SLC22A16: variants seen among roughly 807,000 people sequenced by gnomAD.
SLC22A16 encodes the protein solute carrier family 22 member 16.
A neutral mutation model predicts 52.9 loss-of-function variants in SLC22A16; 53 were observed. The observed-to-expected ratio is 1.00, with a 90% CI of 0.80 to 1.26. The LOEUF (loss-of-function observed/expected upper bound fraction) is 1.26. Among genes scored for constraint, SLC22A16 ranks in the 50% most tolerant of loss-of-function variants. The pLI is 0.00. For synonymous variants in SLC22A16, 291 were observed against 268.8 expected (o/e 1.08, Z -0.81); for missense variants, 726 against 704.0 (o/e 1.03, Z -0.35).
intron 6 of SLC22A16, among the ~76,000 whole-genome samples, chr6:110,434,320 G>C (rs1161903648): frequency 6.6e-6 from 1 of 152,048 alleles, no homozygotes; most frequent in Non-Finnish European, 1.5e-5. Flanking sequence ...TGTGTGTCTT[G>C]CACCAGGTAC....
At chr6:110,456,438 A>T in intron 2 of SLC22A16, 100 bp downstream of exon 2, 1 of 1,425,488 alleles carries the variant, frequency 7.0e-7, no homozygotes, top group Non-Finnish European at 9.5e-7. Context: ...TAGGAAGTAT[A>T]AAAATGACAA....
In SLC22A16 at chr6:110,431,140, C is replaced by G. The variant is rs375577662; in HGVS notation, c.1521+31G>C. On this transcript the variant is annotated intron_variant, in intron 7 of 7. Transcript: ENST00000368919. ...GCAATTAGAAACTGCCTCCGTGCCC[C>G]CTTGGGGAGGGTCTGCAAACTGAAG... 7 of 1,589,368 alleles carry G rather than the reference C, an allele frequency of 4.4e-6. No homozygotes were observed. In the South Asian group the frequency reaches 4.4e-5, roughly 10 times the overall value.
chr6:110,439,709 C>T (rs1774889090), intron 4 of SLC22A16, among the ~76,000 whole-genome samples: 1 of 152,102 alleles, frequency 6.6e-6, no homozygotes, highest in Non-Finnish European at 1.5e-5. Context: ...GCCTACACAG[C>T]AATAAGCAGG....
intron 1 of SLC22A16, among the ~76,000 whole-genome samples, chr6:110,463,966 A>C (rs1582584030): frequency 1.3e-5 from 2 of 152,212 alleles, no homozygotes; most frequent in East Asian, 3.9e-4. Flanking sequence ...ACAGAGGAAT[A>C]AAATTAGAAA....
chr6:110,464,950 T>A (rs1776009992), intron 1 of SLC22A16, among the ~76,000 whole-genome samples: 1 of 152,100 alleles, frequency 6.6e-6, no homozygotes, highest in Non-Finnish European at 1.5e-5. Context: ...CACAATCAGA[T>A]GAGTTTTATT....
intron 2 of SLC22A16, among the ~76,000 whole-genome samples, chr6:110,450,239 AT>A (rs1371047120): frequency 6.6e-6 from 1 of 152,222 alleles, no homozygotes; most frequent in African/African-American, 2.4e-5. Flanking sequence ...AAATAATTAA[AT>A]GAGATGATAT....
chr6:110,464,659 C>A (rs1776000562), intron 1 of SLC22A16, among the ~76,000 whole-genome samples: 1 of 151,734 alleles, frequency 6.6e-6, no homozygotes, highest in Non-Finnish European at 1.5e-5. Flanking sequence ...GTAACAACTA[C>A]AACAAAAAAA....
chr6:110,460,433 G>A (rs1296051021), intron 1 of SLC22A16, among the ~76,000 whole-genome samples: 1 of 152,174 alleles, frequency 6.6e-6, no homozygotes, highest in Non-Finnish European at 1.5e-5. Flanking sequence ...CAAGAATCTG[G>A]CAGAGACTGG....
intron 3 of SLC22A16, among the ~76,000 whole-genome samples, chr6:110,446,430 T>C (rs1213569533): frequency 6.6e-6 from 1 of 152,164 alleles, no homozygotes; most frequent in African/African-American, 2.4e-5. Flanking sequence ...ACAATGCTGG[T>C]ATTCAAACTC....
Position 110,424,697 on chromosome 6 carries a change from T to TA in SLC22A16, c.*175_*176insT. 1 of 764,968 alleles carries TA rather than the reference T, an allele frequency of 1.3e-6. No homozygotes were observed. The allele number at this position is 764,968 out of a possible 1,614,324, so 47.4% of individuals were successfully genotyped here. The stretch of plus-strand genomic sequence containing the variant: ...GCAATAAGAAAGCAGTTTTTAAAAC[T>TA]GAGAATTTTCATCTTAGTTTTTATT... On this transcript the variant is annotated 3_prime_UTR_variant, in exon 8 of 8. Coordinates refer to ENST00000368919, the MANE Select transcript of SLC22A16 (RefSeq NM_033125.4).
intron 1 of SLC22A16, 122 bp from the exon 2 acceptor site, chr6:110,457,139 T>C: frequency 1.1e-6 from 1 of 929,144 alleles, no homozygotes; most frequent in African/African-American, 1.7e-5. Flanking sequence ...AATATAGAAA[T>C]AATTATAGAC....
chr6:110,425,928 A>T (rs1313670027), intron 7 of SLC22A16, among the ~76,000 whole-genome samples: 1 of 152,224 alleles, frequency 6.6e-6, no homozygotes, highest in African/African-American at 2.4e-5. Context: ...TGCTGGAAAG[A>T]CCCTATAAAA....
intron 4 of SLC22A16, among the ~76,000 whole-genome samples, chr6:110,441,425 A>G (rs1405792503): frequency 6.6e-6 from 1 of 152,224 alleles, no homozygotes; most frequent in Non-Finnish European, 1.5e-5. Flanking sequence ...GTAACAGGAG[A>G]TGAAACACGG....
At chr6:110,450,866 T>G (rs1775352378) in intron 2 of SLC22A16, among the ~76,000 whole-genome samples, 1 of 152,228 alleles carries the variant, frequency 6.6e-6, no homozygotes, top group South Asian at 2.1e-4. Context: ...GATAGCTTCT[T>G]GCACCTCTCT....
At chr6:110,462,591 A>T (rs1048799297) in intron 1 of SLC22A16, among the ~76,000 whole-genome samples, 1 of 152,176 alleles carries the variant, frequency 6.6e-6, no homozygotes, top group Non-Finnish European at 1.5e-5. Flanking sequence ...AGAAAAAAGA[A>T]TTTTTTAATG....
chr6:110,463,532 A>AAAAAAAAAAAAAAAAAAAAAC (rs1226372875), intron 1 of SLC22A16, among the ~76,000 whole-genome samples: 1 of 150,412 alleles, frequency 6.6e-6, no homozygotes. Flanking sequence ...AAAAAAAAAA[A>AAAAAAAAAAAAAAAAAAAAAC]AAAAGACAAA....
chr6:110,474,301 A>C (rs1776382795), intron 1 of SLC22A16, among the ~76,000 whole-genome samples: 2 of 152,090 alleles, frequency 1.3e-5, no homozygotes, highest in Non-Finnish European at 2.9e-5. Flanking sequence ...TGGTGCTAAA[A>C]AGGTTGGGGA....
At chr6:110,431,634 A>G (rs34859632) in intron 6 of SLC22A16, among the ~76,000 whole-genome samples, 10,966 of 152,198 alleles carry the variant, frequency 0.072, 433 homozygotes, top group Middle Eastern at 0.14. Context: ...TCACTCTATG[A>G]TGTTCTGACA....
At chr6:110,451,234 A>G (rs889422985) in intron 2 of SLC22A16, among the ~76,000 whole-genome samples, 1 of 152,324 alleles carries the variant, frequency 6.6e-6, no homozygotes, top group African/African-American at 2.4e-5. Context: ...TGGGTTGTTT[A>G]GAGTGCAGGG....
Sources: gnomAD v4.1 joint callset for allele counts (sites outside exome capture counted in the v4.1 genomes callset) on GRCh38, gnomAD v4.1.1 for gene constraint, MANE v1.5 for transcripts, NCBI Gene and HGNC (gene_info 2026-07-23, HGNC 2026-07-21) for gene names.